Variants in NHSL3 observed in about 807,000 individuals in gnomAD.
The protein encoded by NHSL3 is NHS-like protein 3.
At chr1:32,764,253 A>C in the NHSL3 span, among the ~76,000 whole-genome samples, 1 of 140,444 alleles carries the variant, frequency 7.1e-6, no homozygotes, top group Non-Finnish European at 1.5e-5. Context: ...ACAGCTCTGG[A>C]GTCTTCACTA....
chr1:32,767,132 T>G, the NHSL3 span, among the ~76,000 whole-genome samples: 2 of 152,220 alleles, frequency 1.3e-5, no homozygotes, highest in African/African-American at 4.8e-5. Context: ...TCATGCCAGC[T>G]GTCTCTCCTT....
At chr1:32,769,066 C>T in the NHSL3 span, 34 of 263,570 alleles carry the variant, frequency 1.3e-4, no homozygotes, top group African/African-American at 3.5e-4. Flanking sequence ...CTGGCTAACA[C>T]GGTGAATGAA....
the NHSL3 span, among the ~76,000 whole-genome samples, chr1:32,758,046 C>G: frequency 2.0e-5 from 3 of 152,138 alleles, no homozygotes; most frequent in Non-Finnish European, 4.4e-5. Flanking sequence ...AAGCGTTGAT[C>G]CCGCAGATCA....
chr1:32,742,313 G>A, the NHSL3 span: 32 of 959,422 alleles, frequency 3.3e-5, 1 homozygote, highest in African/African-American at 3.7e-4. Flanking sequence ...GTGCTGGAAA[G>A]CGAAGAGGCC....
chr1:32,772,149 G>C, the NHSL3 span: 1 of 1,613,310 alleles, frequency 6.2e-7, no homozygotes, highest in Non-Finnish European at 8.5e-7. Context: ...TGTCCCCTGA[G>C]ACCCAGGCTG....
chr1:32,770,142 G>A, the NHSL3 span: 4 of 1,580,214 alleles, frequency 2.5e-6, no homozygotes, highest in Non-Finnish European at 3.4e-6. The surrounding 1 kb of genome is among the most constrained non-coding windows in gnomAD (Gnocchi z 8.3). Flanking sequence ...CCCGGCCCAT[G>A]TCCCTAGCAG....
At chr1:32,772,543 TG>T in the NHSL3 span, 1 of 1,454,470 alleles carries the variant, frequency 6.9e-7, no homozygotes. Context: ...TTAACTTTTC[TG>T]GTCTGAGAAT....
chr1:32,749,057 TGTA>T, the NHSL3 span, among the ~76,000 whole-genome samples: 1 of 152,098 alleles, frequency 6.6e-6, no homozygotes, highest in Non-Finnish European at 1.5e-5. Flanking sequence ...GATGAGTGTG[TGTA>T]TAGGGGGGAA....
chr1:32,771,675 CCCAGACCCTCCT>C, the NHSL3 span: 1 of 1,611,550 alleles, frequency 6.2e-7, no homozygotes, highest in South Asian at 1.1e-5. Context: ...CCCCGGGTAG[CCCAGACCCTCCT>C]CCAGCTCCGC....
At chr1:32,746,461 T>A in the NHSL3 span, among the ~76,000 whole-genome samples, 3 of 152,000 alleles carry the variant, frequency 2.0e-5, no homozygotes, top group African/African-American at 7.2e-5. Context: ...GGAAGAGAAG[T>A]AACAGGAAGG....
At chr1:32,771,674 G>GC in the NHSL3 span, 2 of 1,611,620 alleles carry the variant, frequency 1.2e-6, no homozygotes, top group Non-Finnish European at 1.7e-6. Flanking sequence ...CCCCCGGGTA[G>GC]CCCAGACCCT....
chr1:32,767,838 G>C, the NHSL3 span: 4 of 1,613,814 alleles, frequency 2.5e-6, no homozygotes, highest in Admixed American at 6.7e-5. Context: ...CCTGGCCAGG[G>C]GCCAGGGTCT....
chr1:32,769,919 C>T, the NHSL3 span: 4 of 1,608,092 alleles, frequency 2.5e-6, no homozygotes, highest in Non-Finnish European at 3.4e-6. Flanking sequence ...ACGCCCCGGG[C>T]TCCTGGTGCA....
At chr1:32,751,948 C>G in the NHSL3 span, among the ~76,000 whole-genome samples, 1 of 152,156 alleles carries the variant, frequency 6.6e-6, no homozygotes, top group Non-Finnish European at 1.5e-5. Flanking sequence ...ACATACCTGT[C>G]CTCACTTAAT....
At chr1:32,746,560 C>T in the NHSL3 span, among the ~76,000 whole-genome samples, 1 of 152,170 alleles carries the variant, frequency 6.6e-6, no homozygotes, top group African/African-American at 2.4e-5. Flanking sequence ...ACAGTTACCA[C>T]CATTTGTAGG....
chr1:32,742,041 C>A, the NHSL3 span: 1 of 1,259,698 alleles, frequency 7.9e-7, no homozygotes, highest in Admixed American at 3.8e-5. Context: ...AGTCCCGCTC[C>A]GGCGCGTCCG....
At chr1:32,767,698 G>T in the NHSL3 span, 32 of 1,160,158 alleles carry the variant, frequency 2.8e-5, no homozygotes, top group Non-Finnish European at 3.9e-5. Context: ...GTGCAGTCTG[G>T]GGACCATGAC....
chr1:32,764,752 C>T, the NHSL3 span, among the ~76,000 whole-genome samples: 3 of 152,152 alleles, frequency 2.0e-5, no homozygotes, highest in African/African-American at 7.2e-5. Flanking sequence ...GGATTACAGG[C>T]GTGAGCCACA....
At chr1:32,769,082 G>A in the NHSL3 span, 6 of 240,090 alleles carry the variant, frequency 2.5e-5, no homozygotes, top group Admixed American at 5.0e-5. Context: ...ATGAAACCCC[G>A]TCTCTACTAA....
Sources: allele counts gnomAD v4.1 joint callset (sites outside exome capture counted in the v4.1 genomes callset), GRCh38; gene constraint gnomAD v4.1.1; non-coding constraint Gnocchi (gnomAD v3.1); transcripts MANE v1.5; gene names NCBI Gene and HGNC (gene_info 2026-07-23, HGNC 2026-07-21).